FBXL17: variants seen among roughly 807,000 people sequenced by gnomAD.
FBXL17 encodes the protein F-box/LRR-repeat protein 17.
In FBXL17, 22 loss-of-function variants were observed where a neutral mutation model predicts 66.2. The ratio of observed to expected loss-of-function variants is 0.33; its 90% CI spans 0.24 to 0.47. The LOEUF (loss-of-function observed/expected upper bound fraction) is 0.47, where lower values mean the gene tolerates loss of function less well. FBXL17 is among the 20% of genes least tolerant of loss of function. FBXL17 has a pLI of 1.00. For missense variants in FBXL17, 878 were observed against 948.2 expected (o/e 0.93, Z 0.97); for synonymous variants, 474 against 400.5 (o/e 1.18, Z -2.19).
intron 5 of FBXL17, among the ~76,000 whole-genome samples, chr5:108,219,567 G>A (rs1027595703): frequency 6.6e-6 from 1 of 151,980 alleles, no homozygotes; most frequent in African/African-American, 2.4e-5. Flanking sequence ...GGCGCCTGTA[G>A]TCCCAGATAT....
intron 4 of FBXL17, among the ~76,000 whole-genome samples, chr5:108,248,638 C>T (rs1756215125): frequency 6.6e-6 from 1 of 152,092 alleles, no homozygotes; most frequent in Non-Finnish European, 1.5e-5. Flanking sequence ...CAAAGAAATA[C>T]ATGTCAGGAA....
At chr5:108,041,032 C>T (rs573713671) in intron 6 of FBXL17, among the ~76,000 whole-genome samples, 2 of 152,170 alleles carry the variant, frequency 1.3e-5, no homozygotes, top group South Asian at 4.1e-4. Flanking sequence ...TCTCTGTGAT[C>T]CTATCATCTT....
At chr5:108,060,515 T>A (rs1205298568) in intron 6 of FBXL17, among the ~76,000 whole-genome samples, 6 of 152,200 alleles carry the variant, frequency 3.9e-5, no homozygotes, top group Non-Finnish European at 5.9e-5. Flanking sequence ...CAGTAATCTC[T>A]TATCAAGTAG....
At chr5:108,238,390 G>A (rs1220484097) in intron 4 of FBXL17, among the ~76,000 whole-genome samples, 1 of 152,202 alleles carries the variant, frequency 6.6e-6, no homozygotes, top group African/African-American at 2.4e-5. Context: ...AAGAAAGACA[G>A]GCTACCCTCT....
At chr5:108,366,960 T>C (rs7706235) in intron 2 of FBXL17, among the ~76,000 whole-genome samples, 7,877 of 152,154 alleles carry the variant, frequency 0.052, 688 homozygotes, top group African/African-American at 0.18. Flanking sequence ...TCTTTTCAAA[T>C]CTGCATTCAA....
chr5:107,903,091 T>C (rs1164047370), intron 7 of FBXL17, among the ~76,000 whole-genome samples: 1 of 152,166 alleles, frequency 6.6e-6, no homozygotes, highest in Non-Finnish European at 1.5e-5. Context: ...TCTTTGTAAC[T>C]GTAACCTGAC....
At chr5:107,918,481 A>C (rs1750206654) in intron 7 of FBXL17, among the ~76,000 whole-genome samples, 1 of 152,178 alleles carries the variant, frequency 6.6e-6, no homozygotes, top group Non-Finnish European at 1.5e-5. Context: ...AGAAAACTTG[A>C]GTAGCTTGTA....
At chr5:107,957,682 C>T (rs1166767148) in intron 7 of FBXL17, among the ~76,000 whole-genome samples, 2 of 152,110 alleles carry the variant, frequency 1.3e-5, no homozygotes, top group East Asian at 1.9e-4. Flanking sequence ...TTGGTTTGCA[C>T]GCCCAAACAC....
rs956607521 is a variant in FBXL17 at position 108,087,706 on chromosome 5, A to G, written c.1746-66705T>C. Among the ~76,000 whole-genome samples the G allele has an allele frequency of 5.3e-5, 8 of 151,510 alleles. No individual in the cohort carries two copies. In the East Asian group the frequency reaches 1.5e-3, roughly 29 times the overall value. On this transcript the variant is annotated intron_variant, in intron 6 of 8. Transcript: ENST00000542267. Reference sequence around the variant, plus strand: ...TTCACATTATAAAAACATAAGCAGAAAAAAAAAGCAATTAAATACATATGA... The same window carrying G: ...TTCACATTATAAAAACATAAGCAGAGAAAAAAAGCAATTAAATACATATGA...
At chr5:108,279,105 C>T (rs753768372) in intron 4 of FBXL17, among the ~76,000 whole-genome samples, 4 of 152,196 alleles carry the variant, frequency 2.6e-5, no homozygotes, top group African/African-American at 7.2e-5. Flanking sequence ...GCATTTGGAA[C>T]CCAGAAAAGC....
chr5:108,236,674 C>T (rs1755618174), intron 4 of FBXL17, among the ~76,000 whole-genome samples: 2 of 152,210 alleles, frequency 1.3e-5, no homozygotes, highest in African/African-American at 4.8e-5. Flanking sequence ...GACCTTCTTT[C>T]CACCCTCAAT....
intron 1 of FBXL17, among the ~76,000 whole-genome samples, chr5:108,380,320 G>GT (rs1182308295): frequency 6.6e-6 from 1 of 152,168 alleles, no homozygotes; most frequent in Non-Finnish European, 1.5e-5. Flanking sequence ...TGAAAGTAAT[G>GT]TTTAAAGACT....
chr5:108,329,777 A>T (rs1037809228), intron 4 of FBXL17, among the ~76,000 whole-genome samples: 1 of 152,188 alleles, frequency 6.6e-6, no homozygotes, highest in Non-Finnish European at 1.5e-5. Flanking sequence ...TAAGTATTAC[A>T]TAAGTGACAT....
chr5:108,002,502 G>C (rs1753772723), intron 7 of FBXL17, among the ~76,000 whole-genome samples: 1 of 152,092 alleles, frequency 6.6e-6, no homozygotes, highest in Admixed American at 6.5e-5. Context: ...AACTTATGAT[G>C]CTTCTCAGTA....
Position 107,861,618 on chromosome 5 carries a change from G to C in FBXL17, c.*102C>G. The stretch of plus-strand genomic sequence containing the variant: ...AAATACACATACTTGAACACACACA[G>C]ACAGGTGACAGTTAAAACCCTTCCG... On this transcript the variant is annotated 3_prime_UTR_variant, in exon 9 of 9. Transcript: ENST00000542267. 1.8e-6 allele frequency: 2 copies of C among 1,110,554 alleles called. No individual in the cohort carries two copies. The highest frequency in any genetic ancestry group is 2.4e-6 in the Non-Finnish European group (2 of 836,158). The allele number at this position is 1,110,554 out of a possible 1,614,324, so 68.8% of individuals were successfully genotyped here.
At position 108,056,368 on chromosome 5, in the gene FBXL17, G is replaced by C. The variant is rs538368834; in HGVS notation, c.1746-35367C>G. Among the ~76,000 whole-genome samples, 12 of 152,294 alleles carry C rather than the reference G, an allele frequency of 7.9e-5. No homozygotes were observed. In the East Asian group the frequency reaches 1.9e-3, roughly 25 times the overall value. ...GTAAGTCTTTGAACTACAAAAGCTT[G>C]TGTTTCTTACAACAGGTAGTGGGGA... is the stretch of plus-strand genomic sequence containing the variant. On this transcript the variant is annotated intron_variant, in intron 6 of 8. Transcript: ENST00000542267.
chr5:107,964,954 T>C (rs885624), intron 7 of FBXL17, among the ~76,000 whole-genome samples: 46,677 of 151,890 alleles, frequency 0.31, 7,299 homozygotes, highest in East Asian at 0.41. Context: ...GGTTTTGATT[T>C]TTTTCTCAGT....
At chr5:107,878,863 C>T in intron 8 of FBXL17, 3 of 985,470 alleles carry the variant, frequency 3.0e-6, no homozygotes, top group Non-Finnish European at 3.6e-6. Context: ...CCAGCATCTC[C>T]CTGGGCTGCA....
intron 7 of FBXL17, among the ~76,000 whole-genome samples, chr5:107,952,674 G>C (rs1403023981): frequency 6.6e-6 from 1 of 152,162 alleles, no homozygotes; most frequent in African/African-American, 2.4e-5. Context: ...CCAAAATGTA[G>C]ACCTGGAGTA....
Sources: gnomAD v4.1 joint callset for allele counts (sites outside exome capture counted in the v4.1 genomes callset) on GRCh38, gnomAD v4.1.1 for gene constraint, MANE v1.5 for transcripts, NCBI Gene and HGNC (gene_info 2026-07-23, HGNC 2026-07-21) for gene names.